Variants in CLDN16 observed in about 807,000 individuals in gnomAD.
The protein encoded by CLDN16 is claudin 16.
CLDN16 carries 13 observed loss-of-function variants against 24.6 expected under a neutral mutation model. The observed-to-expected ratio is 0.53, with a 90% CI of 0.34 to 0.84. The LOEUF (loss-of-function observed/expected upper bound fraction) is 0.84, where lower values mean the gene tolerates loss of function less well. Ranked by LOEUF, CLDN16 falls within the 40% of genes least tolerant of loss-of-function variation. The pLI, the probability that CLDN16 is intolerant of heterozygous loss-of-function variation, is 0.01. For missense variants in CLDN16, 298 were observed against 292.7 expected (o/e 1.02, Z -0.13); for synonymous variants, 116 against 106.7 (o/e 1.09, Z -0.54).
intron 1 of CLDN16, among the ~76,000 whole-genome samples, chr3:190,323,134 CT>C (rs1459048137): frequency 1.3e-5 from 2 of 152,028 alleles, no homozygotes; most frequent in African/African-American, 2.4e-5. Flanking sequence ...TATGATTGTC[CT>C]TTTTGATGTA....
chr3:190,320,447 A>G (rs1716889174), upstream of CLDN16, among the ~76,000 whole-genome samples: 1 of 152,194 alleles, frequency 6.6e-6, no homozygotes, highest in South Asian at 2.1e-4. Flanking sequence ...TTTTCATTTT[A>G]TAAGTACAAA....
intron 1 of CLDN16, among the ~76,000 whole-genome samples, chr3:190,396,793 G>A (rs1014818856): frequency 6.6e-6 from 1 of 152,132 alleles, no homozygotes; most frequent in African/African-American, 2.4e-5. Context: ...TTGGGTGGTG[G>A]GAGGCTAATG....
chr3:190,348,392 C>T (rs1188963457), intron 1 of CLDN16, among the ~76,000 whole-genome samples: 3 of 137,252 alleles, frequency 2.2e-5, no homozygotes, highest in African/African-American at 5.5e-5. Context: ...GATTATGTTT[C>T]TTACAAAGAT....
intron 1 of CLDN16, among the ~76,000 whole-genome samples, chr3:190,345,423 A>G (rs572163991): frequency 3.3e-4 from 50 of 152,200 alleles, no homozygotes; most frequent in Non-Finnish European, 6.5e-4. Context: ...ACTTCCTATC[A>G]GGTTTGAATC....
At chr3:190,402,758 T>C (rs1247991341) in intron 2 of CLDN16, among the ~76,000 whole-genome samples, 1 of 152,132 alleles carries the variant, frequency 6.6e-6, no homozygotes. Context: ...AAATAAACTC[T>C]TTAGGGTGCT....
intron 1 of CLDN16, among the ~76,000 whole-genome samples, chr3:190,353,555 G>A (rs1340670663): frequency 6.6e-6 from 1 of 152,042 alleles, no homozygotes; most frequent in Admixed American, 6.6e-5. Context: ...TGATCAAGAT[G>A]AAATAAACAC....
At chr3:190,294,264 CACTT>C in the CLDN16 span, among the ~76,000 whole-genome samples, 1 of 152,122 alleles carries the variant, frequency 6.6e-6, no homozygotes, top group Non-Finnish European at 1.5e-5. Flanking sequence ...TCAAAGTAGA[CACTT>C]AGTTCAACTA....
intron 1 of CLDN16, among the ~76,000 whole-genome samples, chr3:190,355,242 G>T (rs930599976): frequency 1.6e-4 from 24 of 151,778 alleles, no homozygotes; most frequent in African/African-American, 5.6e-4. Flanking sequence ...GCTAGACTAA[G>T]AATCATTTGT....
At chr3:190,409,436 A>G (rs1011633629) in intron 4 of CLDN16, among the ~76,000 whole-genome samples, 36 of 151,814 alleles carry the variant, frequency 2.4e-4, no homozygotes, top group Non-Finnish European at 3.5e-4. Context: ...TAAAATAACT[A>G]TTATACATTT....
chr3:190,321,968 G>A (rs774288622), upstream of CLDN16: 3 of 1,608,722 alleles, frequency 1.9e-6, no homozygotes, highest in Non-Finnish European at 2.6e-6. Context: ...CCGCTGTGAG[G>A]TGGGGGTGCA....
the CLDN16 span, among the ~76,000 whole-genome samples, chr3:190,295,755 C>G: frequency 6.8e-6 from 1 of 147,086 alleles, no homozygotes; most frequent in Admixed American, 6.9e-5. Flanking sequence ...ATATGTTAGT[C>G]AGGACTCTGT....
At chr3:190,357,329 C>A (rs772102350) in intron 1 of CLDN16, among the ~76,000 whole-genome samples, 1 of 151,834 alleles carries the variant, frequency 6.6e-6, no homozygotes, top group Non-Finnish European at 1.5e-5. Flanking sequence ...ACTGAGAACT[C>A]GTAATTTTGG....
chr3:190,330,033 A>C (rs1717149258), intron 1 of CLDN16, among the ~76,000 whole-genome samples: 1 of 151,236 alleles, frequency 6.6e-6, no homozygotes. Context: ...AAATATCTCA[A>C]CCGTCCCCCC....
intron 1 of CLDN16, among the ~76,000 whole-genome samples, chr3:190,324,081 G>A (rs138625172): frequency 2.6e-5 from 4 of 152,304 alleles, no homozygotes; most frequent in African/African-American, 9.6e-5. Flanking sequence ...AGAAGGCACT[G>A]GAATTTGCTG....
chr3:190,402,385 T>C lies in CLDN16; in HGVS notation c.163T>C (p.Phe55Leu), dbSNP rs747440607. Residue 55 changes from phenylalanine to leucine, a missense_variant, in exon 2 of 5, where the codon TTT becomes CTT. By Grantham distance (22) the Phe-to-Leu change is conservative. Coordinates refer to ENST00000264734, the MANE Select transcript of CLDN16 (RefSeq NM_006580.4). ...CTGGTGGGAATGCGTCACAAATGCT[T>C]TTGATGGGATTCGCACCTGTGATGA... ...GLWWECVTNA[F>L]DGIRTCDEYD... 2.5e-6 allele frequency: 4 copies of C among 1,614,044 alleles called. No individual in the cohort carries two copies. The highest frequency in any genetic ancestry group is 3.4e-6 in the Non-Finnish European group (4 of 1,180,012).
At chr3:190,355,206 G>A (rs1273817505) in intron 1 of CLDN16, among the ~76,000 whole-genome samples, 1 of 151,880 alleles carries the variant, frequency 6.6e-6, no homozygotes, top group Non-Finnish European at 1.5e-5. Flanking sequence ...ATAATTAAAT[G>A]TCTGTGATAA....
At chr3:190,316,920 T>C in the CLDN16 span, among the ~76,000 whole-genome samples, 1 of 151,992 alleles carries the variant, frequency 6.6e-6, no homozygotes, top group African/African-American at 2.4e-5. Flanking sequence ...AGGTCACTGA[T>C]AACTAGAAAC....
Position 190,377,750 on chromosome 3 carries a change from G to A in CLDN16, n.306+3147G>A, listed in dbSNP as rs546454809. ...TAAATTCTGCGAGTGATAAGAGGGT[G>A]AGCGGGCACCCTCTCTGCCCTTATG... On this transcript the variant is annotated intron_variant and non_coding_transcript_variant, in intron 3 of 4. Transcript: ENST00000468220. Among the ~76,000 whole-genome samples the A allele has an allele frequency of 2.8e-4, 42 of 152,118 alleles. 1 individual carries two copies. The highest frequency in any genetic ancestry group is 2.1e-3 in the South Asian group (10 of 4,830).
At chr3:190,300,496 C>T in the CLDN16 span, among the ~76,000 whole-genome samples, 1 of 152,130 alleles carries the variant, frequency 6.6e-6, no homozygotes, top group Non-Finnish European at 1.5e-5. Context: ...TGGTCCACAG[C>T]CTGTTTTTTG....
Sources: gnomAD v4.1 joint callset for allele counts (sites outside exome capture counted in the v4.1 genomes callset) on GRCh38, gnomAD v4.1.1 for gene constraint, MANE v1.5 for transcripts, NCBI Gene and HGNC (gene_info 2026-07-23, HGNC 2026-07-21) for gene names.